Variants in RBFOX1 observed in about 807,000 individuals in gnomAD.
RBFOX1 encodes RNA binding protein fox-1 homolog 1.
In RBFOX1, 8 loss-of-function variants were observed where a neutral mutation model predicts 57.7. That is an observed-to-expected ratio of 0.14 (90% CI 0.08 to 0.25). The LOEUF (loss-of-function observed/expected upper bound fraction) is 0.25. Among genes scored for constraint, RBFOX1 ranks in the 10% least tolerant of loss-of-function variants. The pLI, the probability that RBFOX1 is intolerant of heterozygous loss-of-function variation, is 1.00. For missense variants in RBFOX1, 611 were observed against 548.5 expected, an observed-to-expected ratio of 1.11 and a Z score of -1.14; for synonymous variants, 326 against 222.4, an observed-to-expected ratio of 1.47 and a Z score of -4.15.
intron 2 of RBFOX1, among the ~76,000 whole-genome samples, chr16:6,336,144 T>C (rs2152816202): frequency 1.3e-5 from 1 of 76,560 alleles, no homozygotes; most frequent in South Asian, 4.4e-4. Context: ...TATTCATATA[T>C]ATACATATAC....
intron 2 of RBFOX1, among the ~76,000 whole-genome samples, chr16:6,369,286 T>C (rs2090099991): frequency 6.6e-6 from 1 of 152,228 alleles, no homozygotes; most frequent in African/African-American, 2.4e-5. Flanking sequence ...TCACCTAATT[T>C]TAAGGGATTG....
At chr16:5,384,752 G>C (rs192349829) in intron 1 of RBFOX1, among the ~76,000 whole-genome samples, 1 of 152,296 alleles carries the variant, frequency 6.6e-6, no homozygotes, top group African/African-American at 2.4e-5. Flanking sequence ...CAAAGATATG[G>C]ACTAGAGACT....
chr16:7,068,769 A>C (rs977831468), intron 4 of RBFOX1, among the ~76,000 whole-genome samples: 3 of 152,034 alleles, frequency 2.0e-5, no homozygotes, highest in Non-Finnish European at 4.4e-5. Flanking sequence ...TTGTATTTTT[A>C]GCAGAGATGG....
chr16:7,275,628 G>T (rs539014163), intron 4 of RBFOX1, among the ~76,000 whole-genome samples: 127 of 152,260 alleles, frequency 8.3e-4, no homozygotes, highest in African/African-American at 2.9e-3. Flanking sequence ...ATTGAAATCT[G>T]TGCAAATGAT....
intron 4 of RBFOX1, among the ~76,000 whole-genome samples, chr16:5,906,383 C>T (rs1305699561): frequency 1.3e-5 from 2 of 152,194 alleles, no homozygotes; most frequent in Non-Finnish European, 2.9e-5. Flanking sequence ...AATGTTTCTG[C>T]AAAGAATTCC....
chr16:5,640,568 T>C (rs914345477), intron 3 of RBFOX1, among the ~76,000 whole-genome samples: 9 of 150,300 alleles, frequency 6.0e-5, no homozygotes, highest in Admixed American at 6.0e-4. Context: ...TGCATACATA[T>C]GCACACACAT....
chr16:6,558,149 GC>G (rs751764827), intron 2 of RBFOX1, among the ~76,000 whole-genome samples: 1 of 152,118 alleles, frequency 6.6e-6, no homozygotes, highest in Admixed American at 6.6e-5. Flanking sequence ...AATATCGGTT[GC>G]CCAGAAGCCT....
Position 6,657,131 on chromosome 16 carries a change from TCCTC to T in RBFOX1, c.-16+2482_-16+2485del, listed in dbSNP as rs1312498401. 3.5e-4 allele frequency among the ~76,000 whole-genome samples: 49 copies of T among 141,904 alleles called. 1 individual carries two copies. Among genetic ancestry groups the T allele is most frequent in the African/African-American group, 1.2e-3 (46 of 38,320 alleles). 93.1% of individuals were successfully genotyped at this position (141,904 alleles called of 152,430 possible). ...TCCTCCCCTCTCCTCTCCTCTCCTC[TCCTC>T]TTCTCTCCTCTTCTCTCCTCTTTTC... On this transcript the variant is annotated intron_variant, in intron 3 of 15. Transcript: ENST00000550418.
chr16:6,683,213 A>C (rs2058933055), intron 3 of RBFOX1, among the ~76,000 whole-genome samples: 1 of 152,254 alleles, frequency 6.6e-6, no homozygotes, highest in African/African-American at 2.4e-5. Flanking sequence ...AAAGGGTGAG[A>C]GAACTGTTCT....
chr16:6,746,188 C>G (rs961588812), intron 3 of RBFOX1, among the ~76,000 whole-genome samples: 4 of 151,970 alleles, frequency 2.6e-5, no homozygotes, highest in African/African-American at 4.8e-5. Flanking sequence ...TTAGTCTCCC[C>G]TAATTGATCT....
intron 3 of RBFOX1, among the ~76,000 whole-genome samples, chr16:5,745,392 G>A (rs374289775): frequency 6.2e-4 from 95 of 152,086 alleles, no homozygotes; most frequent in Non-Finnish European, 4.3e-4. Flanking sequence ...GAATAGTGCC[G>A]CAATAAACAT....
At chr16:6,134,954 C>T (rs977654266) in intron 1 of RBFOX1, among the ~76,000 whole-genome samples, 2 of 152,054 alleles carry the variant, frequency 1.3e-5, no homozygotes, top group South Asian at 2.1e-4. Context: ...ATTAACTCAT[C>T]GTTTAACATT....
At chr16:7,003,674 A>G (rs2093037913) in intron 3 of RBFOX1, among the ~76,000 whole-genome samples, 1 of 152,308 alleles carries the variant, frequency 6.6e-6, no homozygotes, top group East Asian at 1.9e-4. Flanking sequence ...TCAAAGGAAC[A>G]TAGGAAAGCT....
chr16:6,971,265 C>A (rs966865965), intron 3 of RBFOX1, among the ~76,000 whole-genome samples: 4 of 152,136 alleles, frequency 2.6e-5, no homozygotes, highest in African/African-American at 9.7e-5. Context: ...TCTTCTGGAA[C>A]ACCTTGGGGA....
At chr16:7,644,604 G>A (rs1395265115) in intron 11 of RBFOX1, among the ~76,000 whole-genome samples, 3 of 152,124 alleles carry the variant, frequency 2.0e-5, no homozygotes, top group East Asian at 1.9e-4. Flanking sequence ...ATGGCATTCC[G>A]AGTTCATCAC....
intron 9 of RBFOX1, among the ~76,000 whole-genome samples, chr16:7,602,520 A>G (rs2095083630): frequency 6.6e-6 from 1 of 152,200 alleles, no homozygotes; most frequent in African/African-American, 2.4e-5. Flanking sequence ...AAACTGCCTA[A>G]GAAATTAAAA....
intron 4 of RBFOX1, chr16:7,510,217 C>A: frequency 1.0e-6 from 1 of 985,840 alleles, no homozygotes; most frequent in Non-Finnish European, 1.2e-6. Context: ...CACCCTCGCT[C>A]GTAATTGAGG....
intron 14 of RBFOX1, 133 bp from the exon 15 acceptor site, chr16:7,708,923 C>A: frequency 2.7e-6 from 2 of 735,406 alleles, no homozygotes; most frequent in South Asian, 3.4e-5. Flanking sequence ...TACTACACAG[C>A]AGAGTAGAAT....
chr16:7,245,507 C>T (rs922936488), intron 4 of RBFOX1, among the ~76,000 whole-genome samples: 1 of 152,044 alleles, frequency 6.6e-6, no homozygotes, highest in Admixed American at 6.6e-5. Context: ...CACTGTTGAC[C>T]AACAGAGGCT....
Sources: allele counts gnomAD v4.1 joint callset (sites outside exome capture counted in the v4.1 genomes callset), GRCh38; gene constraint gnomAD v4.1.1; transcripts MANE v1.5; gene names NCBI Gene and HGNC (gene_info 2026-07-23, HGNC 2026-07-21).